AP1G1: variants seen among roughly 807,000 people sequenced by gnomAD.
AP1G1 encodes the protein adaptor related protein complex 1 subunit gamma 1.
AP1G1 carries 7 observed loss-of-function variants against 108.3 expected under a neutral mutation model. The observed-to-expected ratio is 0.06, with a 90% CI of 0.04 to 0.12. The LOEUF (loss-of-function observed/expected upper bound fraction) is 0.12, where lower values mean the gene tolerates loss of function less well. AP1G1 is among the 10% of genes least tolerant of loss of function. AP1G1 has a pLI of 1.00. For synonymous variants in AP1G1, 379 were observed against 353.5 expected (o/e 1.07, Z -0.81); for missense variants, 756 against 1,010.7 (o/e 0.75, Z 3.42).
At chr16:71,734,514 T>C (rs1201630101) in intron 22 of AP1G1, 95 bp downstream of exon 22, 1 of 998,250 alleles carries the variant, frequency 1.0e-6, no homozygotes, top group East Asian at 2.4e-5. Context: ...TCTCTAACTA[T>C]GAGTCAGAAA....
chr16:71,734,647 T>A lies in AP1G1; in HGVS notation c.2329A>T (p.Thr777Ser). 5.0e-6 allele frequency: 8 copies of A among 1,614,092 alleles called. No homozygotes were observed. The highest frequency in any genetic ancestry group is 5.9e-6 in the Non-Finnish European group (7 of 1,179,970). ...SSIVPAFNTG[T>S]ITQVIKVLNP... Reference sequence around the variant, plus strand: ...AGAACTTTAATGACTTGTGTGATGGTCCCCGTGTTAAATGCTGGGACAATG... The same window carrying A: ...AGAACTTTAATGACTTGTGTGATGGACCCCGTGTTAAATGCTGGGACAATG... The change falls in exon 22 of 23, where the codon ACC becomes TCC. Residue 777 changes from threonine to serine, a missense_variant. Thr to Ser is a moderately conservative substitution (Grantham distance 58, BLOSUM62 1). Transcript: ENST00000299980.
At chr16:71,764,838 T>C in intron 7 of AP1G1, 112 bp from the exon 8 acceptor site, 2 of 664,854 alleles carry the variant, frequency 3.0e-6, no homozygotes, top group Non-Finnish European at 5.1e-6. Flanking sequence ...TTTGGAACCA[T>C]TTATTCATAT....
At position 71,732,189 on chromosome 16, in the gene AP1G1, T is replaced by C. The variant is rs1047276191; in HGVS notation, c.*869A>G. ...GTGGGAATAGGGTCATTAATAACTA[T>C]GAATATATCTTTTAGAAGGTGACCA... On this transcript the variant is annotated 3_prime_UTR_variant, in exon 23 of 23. Coordinates refer to ENST00000299980, the MANE Select transcript of AP1G1 (RefSeq NM_001128.6). The C allele has an allele frequency of 2.0e-5, 3 of 152,286 alleles. No homozygotes were observed. The highest frequency in any genetic ancestry group is 7.2e-5 in the African/African-American group (3 of 41,450). 9.4% of individuals were successfully genotyped at this position (152,286 alleles called of 1,614,324 possible). A position where few individuals can be genotyped will look rare whatever the true frequency, so the allele number is the denominator to read the frequency against.
At position 71,764,448 on chromosome 16, in the gene AP1G1, C is replaced by T. The variant is rs2031230870; in HGVS notation, c.820G>A (p.Val274Ile). 6.3e-7 allele frequency: 1 copy of T among 1,588,926 alleles called. No individual in the cohort carries two copies. Among genetic ancestry groups the T allele is most frequent in the Non-Finnish European group, 8.6e-7 (1 of 1,160,464 alleles). The change falls in exon 9 of 23, where the codon GTT (valine) becomes ATT (isoleucine). Residue 274 changes from valine to isoleucine, a missense_variant and splice_region_variant. Around this residue, in one of 3 missense-constraint regions of AP1G1, gnomAD observed 304 missense variants for 483.6 expected, o/e 0.63. Transcript: ENST00000299980. ...TTACTAGTCTCAGTATTAGTGGCAA[C>T]CTGAAAAGACATATCGAGGGCAGTA... ...SEAMNDILAQ[V>I]ATNTETSKNV... is the part of the protein sequence containing the mutation.
At chr16:71,791,665 C>G (rs1457755297) in intron 1 of AP1G1, among the ~76,000 whole-genome samples, 1 of 102,728 alleles carries the variant, frequency 9.7e-6, no homozygotes. Context: ...CAGAGTGAGA[C>G]CCTGTCTCAA....
intron 16 of AP1G1, among the ~76,000 whole-genome samples, 185 bp downstream of exon 16, chr16:71,748,066 A>G (rs1259003304): frequency 6.6e-6 from 1 of 152,264 alleles, no homozygotes; most frequent in African/African-American, 2.4e-5. Context: ...CAAAGTGCTG[A>G]TGAATAAAGA....
intron 1 of AP1G1, among the ~76,000 whole-genome samples, chr16:71,797,742 T>C (rs933277101): frequency 1.3e-5 from 2 of 151,940 alleles, no homozygotes; most frequent in African/African-American, 4.8e-5. Context: ...GGGATTGCAG[T>C]GACCTGAGAT....
At chr16:71,767,877 C>T in intron 6 of AP1G1, 1 of 1,599,272 alleles carries the variant, frequency 6.3e-7, no homozygotes, top group Non-Finnish European at 8.5e-7. Context: ...TAATTCTTAC[C>T]TTTTCATTCT....
intron 19 of AP1G1, among the ~76,000 whole-genome samples, chr16:71,744,734 C>T (rs1426044147): frequency 6.6e-6 from 1 of 151,934 alleles, no homozygotes; most frequent in African/African-American, 2.4e-5. Context: ...CACCACTTCA[C>T]CCGGCTAATT....
intron 2 of AP1G1, among the ~76,000 whole-genome samples, chr16:71,780,698 A>G (rs1045142145): frequency 2.0e-5 from 3 of 152,088 alleles, no homozygotes; most frequent in African/African-American, 7.2e-5. Flanking sequence ...TGGCATGATC[A>G]CAGTTCACTG....
intron 5 of AP1G1, among the ~76,000 whole-genome samples, chr16:71,769,905 G>T (rs902229594): frequency 1.3e-5 from 2 of 152,166 alleles, no homozygotes; most frequent in Admixed American, 1.3e-4. Context: ...GGTAAAATCG[G>T]AATGTTTTCA....
In AP1G1 at chr16:71,804,354, T is replaced by A. The variant is rs535427667; in HGVS notation, c.-4+4409A>T. On this transcript the variant is annotated intron_variant, in intron 1 of 22. Coordinates refer to ENST00000299980, the MANE Select transcript of AP1G1 (RefSeq NM_001128.6). Reference sequence around the variant, plus strand: ...AGCCACCTCGCCCAGCCAACAAAGATCATTTCAAAACCTGTAAGCCAAGAA... The same window carrying A: ...AGCCACCTCGCCCAGCCAACAAAGAACATTTCAAAACCTGTAAGCCAAGAA... Among the ~76,000 whole-genome samples, 26 of 148,292 alleles carry A rather than the reference T, an allele frequency of 1.8e-4. No homozygotes were observed. The South Asian group carries it at 4.1e-3, about 23-fold the overall frequency.
At chr16:71,769,294 AC>A (rs898689954) in intron 6 of AP1G1, among the ~76,000 whole-genome samples, 1 of 152,054 alleles carries the variant, frequency 6.6e-6, no homozygotes, top group Non-Finnish European at 1.5e-5. Context: ...AAAAAAAAAA[AC>A]AACACACACA....
intron 1 of AP1G1, among the ~76,000 whole-genome samples, chr16:71,800,507 C>A (rs1448638189): frequency 6.6e-6 from 1 of 151,082 alleles, no homozygotes. Flanking sequence ...CATGGAGAAA[C>A]CCCCCCGTCT....
chr16:71,756,552 G>A (rs1369921102), intron 11 of AP1G1, among the ~76,000 whole-genome samples: 1 of 152,118 alleles, frequency 6.6e-6, no homozygotes, highest in Non-Finnish European at 1.5e-5. Context: ...AATGTGACAT[G>A]TTAAGTCACC....
In AP1G1 at chr16:71,750,199, G is replaced by T; in HGVS notation, c.1407+11C>A. The T allele has an allele frequency of 1.2e-6, 2 of 1,611,524 alleles. No homozygotes were observed. Among genetic ancestry groups the T allele is most frequent in the Non-Finnish European group, 1.7e-6 (2 of 1,179,368 alleles). ...AAATTACCCCCTAAAATAGTTGAAT[G>T]AAGTACTTACTTGAGAATAATCACC... On this transcript the variant is annotated intron_variant, in intron 14 of 22. Transcript: ENST00000299980.
At chr16:71,769,559 A>C (rs1483637409) in intron 6 of AP1G1, 64 bp downstream of exon 6, 17 of 1,437,166 alleles carry the variant, frequency 1.2e-5, no homozygotes, top group Non-Finnish European at 1.6e-5. Context: ...GAAGAAAATC[A>C]TGTACTTTTC....
At chr16:71,807,077 G>T (rs899824250) in intron 1 of AP1G1, among the ~76,000 whole-genome samples, 1 of 152,196 alleles carries the variant, frequency 6.6e-6, no homozygotes, top group Non-Finnish European at 1.5e-5. Flanking sequence ...AAATAAGGGT[G>T]ATTCAATCAC....
chr16:71,772,067 C>T (rs2031591902), intron 4 of AP1G1, among the ~76,000 whole-genome samples: 1 of 151,336 alleles, frequency 6.6e-6, no homozygotes, highest in Non-Finnish European at 1.5e-5. Context: ...GATATATTAA[C>T]AAAAAAAATT....
Sources: gnomAD v4.1 joint callset for allele counts (sites outside exome capture counted in the v4.1 genomes callset) on GRCh38, gnomAD v4.1.1 for gene constraint, gnomAD v4.1.1 regional missense constraint, MANE v1.5 for transcripts, NCBI Gene and HGNC (gene_info 2026-07-23, HGNC 2026-07-21) for gene names.